TAMM41: variants seen among roughly 807,000 people sequenced by gnomAD.
TAMM41 encodes phosphatidate cytidylyltransferase, mitochondrial.
Under a neutral mutation model 44.1 loss-of-function variants are expected in TAMM41, and 36 were observed. The observed-to-expected ratio is 0.82, with a 90% CI of 0.63 to 1.08. The LOEUF (loss-of-function observed/expected upper bound fraction) is 1.08, where lower values mean the gene tolerates loss of function less well. Among genes scored for constraint, TAMM41 ranks in the 50% least tolerant of loss-of-function variants. The pLI is 0.00. For missense variants in TAMM41, 417 were observed against 404.3 expected (o/e 1.03, Z -0.27); for synonymous variants, 164 against 153.1 (o/e 1.07, Z -0.53).
At chr3:11,809,246 T>C (rs146448012) in intron 6 of TAMM41, 1 of 457,916 alleles carries the variant, frequency 2.2e-6, no homozygotes, top group Admixed American at 4.2e-5. Context: ...TTCTAGAAGT[T>C]GTGCTCTAGG....
chr3:11,756,821 C>T, the TAMM41 span, among the ~76,000 whole-genome samples: 74 of 150,674 alleles, frequency 4.9e-4, no homozygotes, highest in East Asian at 7.8e-4. Context: ...GCTGAGATTG[C>T]GCCACTGCAC....
chr3:11,841,067 ATTTCTATTT>A (rs1250107451), intron 2 of TAMM41, among the ~76,000 whole-genome samples: 74 of 128,530 alleles, frequency 5.8e-4, no homozygotes, highest in Non-Finnish European at 9.3e-4. Flanking sequence ...AGTTCAGCCC[ATTTCTATTT>A]TTTTTTTTTT....
At chr3:11,770,571 T>C in the TAMM41 span, among the ~76,000 whole-genome samples, 1 of 152,212 alleles carries the variant, frequency 6.6e-6, no homozygotes, top group Non-Finnish European at 1.5e-5. Context: ...TACGATTCTG[T>C]CAACTCAGGG....
the TAMM41 span, among the ~76,000 whole-genome samples, chr3:11,725,386 C>T: frequency 0.021 from 2,846 of 134,880 alleles, 45 homozygotes; most frequent in Middle Eastern, 0.027. Flanking sequence ...TCTTCCTCCT[C>T]CTTCTTTTTC....
intron 5 of TAMM41, chr3:11,810,803 C>T (rs1267212421): frequency 6.6e-6 from 1 of 152,112 alleles, no homozygotes; most frequent in African/African-American, 2.4e-5. Context: ...CAGGTTCACA[C>T]CTGTAATCCC....
chr3:11,772,816 T>C, the TAMM41 span, among the ~76,000 whole-genome samples: 1 of 152,202 alleles, frequency 6.6e-6, no homozygotes, highest in Admixed American at 6.5e-5. Flanking sequence ...GGGCTCTACA[T>C]ACATTGATGC....
intron 4 of TAMM41, among the ~76,000 whole-genome samples, chr3:11,824,907 AG>A (rs1306174203): frequency 1.3e-5 from 2 of 152,104 alleles, no homozygotes; most frequent in African/African-American, 4.8e-5. Context: ...GGAGTGGTGG[AG>A]TTGCAGTAGC....
At chr3:11,835,049 T>C (rs558440301) in intron 3 of TAMM41, among the ~76,000 whole-genome samples, 1 of 152,340 alleles carries the variant, frequency 6.6e-6, no homozygotes, top group South Asian at 2.1e-4. Flanking sequence ...ATTTGCAAGA[T>C]GCAAGACAAT....
chr3:11,807,381 G>C, intron 7 of TAMM41: 2 of 1,508,768 alleles, frequency 1.3e-6, no homozygotes, highest in East Asian at 2.4e-5. Flanking sequence ...GATACCTAAA[G>C]TTGAAACGTA....
chr3:11,832,031 A>T (rs2079001461), intron 3 of TAMM41, among the ~76,000 whole-genome samples: 1 of 152,224 alleles, frequency 6.6e-6, no homozygotes, highest in African/African-American at 2.4e-5. Context: ...TGACAACAAA[A>T]ATCAGGATCA....
At chr3:11,727,165 T>C in the TAMM41 span, among the ~76,000 whole-genome samples, 1 of 152,234 alleles carries the variant, frequency 6.6e-6, no homozygotes, top group African/African-American at 2.4e-5. Context: ...ATCCTCCTTA[T>C]GCACACAAAG....
chr3:11,777,614 T>A, the TAMM41 span, among the ~76,000 whole-genome samples: 10 of 152,210 alleles, frequency 6.6e-5, no homozygotes, highest in South Asian at 2.1e-4. Context: ...GCCAACATGG[T>A]GAAACTCTGT....
the TAMM41 span, among the ~76,000 whole-genome samples, chr3:11,725,647 A>G: frequency 1.3e-5 from 2 of 151,980 alleles, no homozygotes; most frequent in African/African-American, 4.8e-5. Flanking sequence ...AGTGAGTTGC[A>G]CAGGCTGGTC....
the TAMM41 span, among the ~76,000 whole-genome samples, chr3:11,763,356 G>A: frequency 6.6e-6 from 1 of 152,162 alleles, no homozygotes; most frequent in Non-Finnish European, 1.5e-5. Flanking sequence ...TGCCCAGGCT[G>A]GTCTTGAACT....
chr3:11,781,980 A>G, the TAMM41 span, among the ~76,000 whole-genome samples: 4 of 152,142 alleles, frequency 2.6e-5, no homozygotes, highest in African/African-American at 9.7e-5. Context: ...GGAATTTTCT[A>G]TGGTCCCACT....
intron 7 of TAMM41, among the ~76,000 whole-genome samples, chr3:11,804,756 G>A (rs2077850292): frequency 1.3e-5 from 2 of 152,222 alleles, no homozygotes; most frequent in African/African-American, 2.4e-5. Context: ...TATCTTAACT[G>A]GAAATGCAAA....
At chr3:11,738,458 G>A in the TAMM41 span, among the ~76,000 whole-genome samples, 1 of 152,146 alleles carries the variant, frequency 6.6e-6, no homozygotes, top group African/African-American at 2.4e-5. Context: ...TGTTCCCGAT[G>A]TCCTATTCAA....
chr3:11,755,022 G>A, the TAMM41 span, among the ~76,000 whole-genome samples: 1 of 152,008 alleles, frequency 6.6e-6, no homozygotes, highest in East Asian at 1.9e-4. Context: ...TCTCCTCACT[G>A]TCCTTCCTTC....
chr3:11,818,846 C>G (rs1357019943), intron 4 of TAMM41, among the ~76,000 whole-genome samples: 1 of 147,980 alleles, frequency 6.8e-6, no homozygotes, highest in East Asian at 2.0e-4. Context: ...TGCAGTGAGC[C>G]GAGATCGCGC....
Sources: gnomAD v4.1 joint callset for allele counts (sites outside exome capture counted in the v4.1 genomes callset) on GRCh38, gnomAD v4.1.1 for gene constraint, MANE v1.5 for transcripts, NCBI Gene and HGNC (gene_info 2026-07-23, HGNC 2026-07-21) for gene names.